SLC8A1: variants seen among roughly 807,000 people sequenced by gnomAD.
SLC8A1 encodes solute carrier family 8 member A1.
A neutral mutation model predicts 68.3 loss-of-function variants in SLC8A1; 18 were observed. That is an observed-to-expected ratio of 0.26 (90% CI 0.18 to 0.39). SLC8A1 has a LOEUF of 0.39. Among genes scored for constraint, SLC8A1 ranks in the 10% least tolerant of loss-of-function variants. SLC8A1 has a pLI of 1.00. For synonymous variants in SLC8A1, 475 were observed against 415.5 expected (o/e 1.14, Z -1.74); for missense variants, 985 against 1,156.7 (o/e 0.85, Z 2.15).
At chr2:40,256,247 A>G (rs181719187) in intron 2 of SLC8A1, among the ~76,000 whole-genome samples, 24 of 152,138 alleles carry the variant, frequency 1.6e-4, no homozygotes, top group Non-Finnish European at 3.5e-4. Flanking sequence ...CACATCACAC[A>G]CTCTGTGGAA....
At chr2:40,491,161 A>T (rs1705290601) in intron 1 of SLC8A1, among the ~76,000 whole-genome samples, 1 of 152,068 alleles carries the variant, frequency 6.6e-6, no homozygotes, top group Non-Finnish European at 1.5e-5. Flanking sequence ...ATAGTCAAAG[A>T]AGCTTAGGTT....
chr2:40,137,160 T>C (rs2040656087), intron 7 of SLC8A1, among the ~76,000 whole-genome samples: 1 of 152,186 alleles, frequency 6.6e-6, no homozygotes, highest in South Asian at 2.1e-4. Flanking sequence ...AAAATTTTAA[T>C]TATAAGGCTG....
chr2:40,386,734 T>G (rs1397888575), intron 2 of SLC8A1, among the ~76,000 whole-genome samples: 1 of 150,794 alleles, frequency 6.6e-6, no homozygotes, highest in Non-Finnish European at 1.5e-5. Flanking sequence ...ACAGAACCCA[T>G]GATGGATGAG....
chr2:40,456,783 T>G (rs528307690), upstream of SLC8A1, among the ~76,000 whole-genome samples: 5 of 152,362 alleles, frequency 3.3e-5, no homozygotes, highest in South Asian at 1.0e-3. Flanking sequence ...TTAAAATTTC[T>G]ATATAATTAG....
chr2:40,375,680 A>G (rs754304606), intron 2 of SLC8A1, among the ~76,000 whole-genome samples: 1 of 152,088 alleles, frequency 6.6e-6, no homozygotes, highest in Non-Finnish European at 1.5e-5. Flanking sequence ...AGAAACTGAA[A>G]CAAGTTAATC....
chr2:40,459,273 G>T (rs1703200220), intron 1 of SLC8A1, among the ~76,000 whole-genome samples: 1 of 152,272 alleles, frequency 6.6e-6, no homozygotes, highest in South Asian at 2.1e-4. Flanking sequence ...TAGTTTAGGT[G>T]GTCAGTTCTG....
intron 2 of SLC8A1, among the ~76,000 whole-genome samples, chr2:40,322,036 T>G (rs1232265401): frequency 1.3e-5 from 2 of 152,174 alleles, no homozygotes; most frequent in Non-Finnish European, 2.9e-5. Flanking sequence ...CTCACTAGAA[T>G]TGACATAGCA....
chr2:40,438,746 T>C (rs1231246141), intron 1 of SLC8A1, among the ~76,000 whole-genome samples: 2 of 152,082 alleles, frequency 1.3e-5, no homozygotes, highest in African/African-American at 4.8e-5. Flanking sequence ...GCAAACTAAT[T>C]AAAATGCAGT....
chr2:40,267,663 A>G (rs1007086553), intron 2 of SLC8A1, among the ~76,000 whole-genome samples: 4 of 152,222 alleles, frequency 2.6e-5, no homozygotes, highest in Non-Finnish European at 4.4e-5. Context: ...AGATTCTGTC[A>G]TTTATTAATC....
At chr2:40,412,704 G>C (rs774035504) in intron 2 of SLC8A1, among the ~76,000 whole-genome samples, 2 of 152,140 alleles carry the variant, frequency 1.3e-5, no homozygotes, top group Admixed American at 6.6e-5. Flanking sequence ...CAAAACCACA[G>C]CTGCTAAAAT....
At chr2:40,176,822 T>A (rs71439277) in intron 3 of SLC8A1, among the ~76,000 whole-genome samples, 2 of 152,306 alleles carry the variant, frequency 1.3e-5, no homozygotes, top group East Asian at 3.9e-4. Context: ...ATAAGAGCTA[T>A]TAATATGTGG....
rs147847319 is a variant in SLC8A1, at chr2:40,482,729, T to G, written c.-25+29620A>C. Among the ~76,000 whole-genome samples the G allele has an allele frequency of 4.1e-3, 626 of 152,138 alleles. 2 individuals carry two copies. The highest frequency in any genetic ancestry group is 0.013 in the African/African-American group (560 of 41,500). On this transcript the variant is annotated intron_variant, in intron 1 of 7. Coordinates refer to the SLC8A1 transcript ENST00000402441. ...ATGCCACTTATAGACACTTCCTGTTTTCTGAAACCCAGAGAGACAATGTTT... is the reference window on the plus strand; with the variant it reads ...ATGCCACTTATAGACACTTCCTGTTGTCTGAAACCCAGAGAGACAATGTTT...
At chr2:40,342,847 C>T (rs1039322304) in intron 2 of SLC8A1, among the ~76,000 whole-genome samples, 4 of 152,044 alleles carry the variant, frequency 2.6e-5, no homozygotes, top group African/African-American at 9.7e-5. Flanking sequence ...CAAACGTGAA[C>T]TAAAATAGAG....
intron 6 of SLC8A1, 26 bp from the exon 10 acceptor site, chr2:40,139,702 T>A (rs762530098): frequency 6.2e-7 from 1 of 1,603,418 alleles, no homozygotes; most frequent in Non-Finnish European, 8.5e-7. Context: ...GGAAGCACAT[T>A]TCATCACAAC....
At chr2:40,482,979 C>A (rs1405313055) in intron 1 of SLC8A1, among the ~76,000 whole-genome samples, 1 of 143,908 alleles carries the variant, frequency 6.9e-6, no homozygotes, top group Admixed American at 7.0e-5. Flanking sequence ...TTCTTTTTTG[C>A]ATTTTTAGTA....
At chr2:40,360,963 C>T (rs1397885701) in intron 2 of SLC8A1, among the ~76,000 whole-genome samples, 1 of 152,056 alleles carries the variant, frequency 6.6e-6, no homozygotes, top group Non-Finnish European at 1.5e-5. Flanking sequence ...ACAAAAAGAG[C>T]CTGTAGATCT....
intron 4 of SLC8A1, among the ~76,000 whole-genome samples, chr2:40,171,095 G>C (rs1241881013): frequency 6.6e-6 from 1 of 152,198 alleles, no homozygotes; most frequent in East Asian, 1.9e-4. Flanking sequence ...GGAGTCATGA[G>C]ATTTGGGATT....
intron 1 of SLC8A1, among the ~76,000 whole-genome samples, chr2:40,473,791 C>T (rs1704127939): frequency 6.6e-6 from 1 of 152,118 alleles, no homozygotes; most frequent in Admixed American, 6.5e-5. Context: ...TTTACACACC[C>T]AGTGGTGGGG....
intron 1 of SLC8A1, among the ~76,000 whole-genome samples, chr2:40,508,669 T>C (rs1352404656): frequency 6.6e-6 from 1 of 152,166 alleles, no homozygotes; most frequent in Non-Finnish European, 1.5e-5. Context: ...CTGAAACTTT[T>C]AAAATAAGGA....
Sources: allele counts gnomAD v4.1 joint callset (sites outside exome capture counted in the v4.1 genomes callset), GRCh38; gene constraint gnomAD v4.1.1; transcripts MANE v1.5; gene names NCBI Gene and HGNC (gene_info 2026-07-23, HGNC 2026-07-21).